CDC42BPA: variants seen among roughly 807,000 people sequenced by gnomAD.
The protein encoded by CDC42BPA is CDC42 binding protein kinase alpha, also known as serine/threonine-protein kinase MRCK alpha.
In CDC42BPA, 80 loss-of-function variants were observed where a neutral mutation model predicts 223.5. The observed-to-expected ratio is 0.36, with a 90% CI of 0.30 to 0.43. The LOEUF (loss-of-function observed/expected upper bound fraction) is 0.43. Among genes scored for constraint, CDC42BPA ranks in the 20% least tolerant of loss-of-function variants. CDC42BPA has a pLI of 1.00. For synonymous variants in CDC42BPA, 694 were observed against 718.6 expected, an observed-to-expected ratio of 0.97 and a Z score of 0.55; for missense variants, 1,743 against 2,099.9, an observed-to-expected ratio of 0.83 and a Z score of 3.32.
intron 21 of CDC42BPA, among the ~76,000 whole-genome samples, chr1:227,052,795 AATT>A (rs2148882282): frequency 1.3e-5 from 2 of 152,306 alleles, no homozygotes; most frequent in East Asian, 3.9e-4. Context: ...ATGAACTTAT[AATT>A]ATTTTCCTTT....
intron 1 of CDC42BPA, among the ~76,000 whole-genome samples, chr1:227,266,507 T>C (rs560875178): frequency 6.6e-6 from 1 of 152,326 alleles, no homozygotes; most frequent in South Asian, 2.1e-4. Flanking sequence ...TCGATCACTG[T>C]TAGTTGTATT....
rs1053999489 is a variant in CDC42BPA at position 227,317,696 on chromosome 1, C to T, written c.-514G>A. The T allele has an allele frequency of 2.5e-6, 1 of 398,354 alleles. No homozygotes were observed. The highest frequency in any genetic ancestry group is 4.4e-6 in the Non-Finnish European group (1 of 226,054). The allele number at this position is 398,354 out of a possible 1,614,324, so 24.7% of individuals were successfully genotyped here. ...AATGCATAGAAGGGGGAGGGAAAAC[C>T]AAAAATGTTGCTGCAAATCCTCCCA... On this transcript the variant is annotated 5_prime_UTR_variant, in exon 1 of 37. The change creates a premature stop within an existing upstream ORF in the 5' untranslated region. Coordinates refer to ENST00000366766, the MANE Select transcript of CDC42BPA (RefSeq NM_001394014.1).
In CDC42BPA at chr1:227,051,915, G is replaced by T. The variant is rs1327798614; in HGVS notation, c.2975C>A (p.Ser992Tyr). Residue 992 changes from serine (S) to tyrosine (Y), a missense_variant, in exon 22 of 37, where the codon TCT (serine) becomes TAT (tyrosine). Around this residue, in one of 6 missense-constraint regions of CDC42BPA, gnomAD observed 678 missense variants for 777.5 expected, o/e 0.87. Coordinates refer to ENST00000366766, the MANE Select transcript of CDC42BPA (RefSeq NM_001394014.1). ...CTCAGCTTCACTAGATGTGGAAGGA[G>T]ATGTGGACCGTGACTGGATGTGAAA... ...VKFHIQSRST[S>Y]PSTSSEAEPV... 1 of 1,366,464 alleles carries T rather than the reference G, an allele frequency of 7.3e-7. No homozygotes were observed. The highest frequency in any genetic ancestry group is 1.1e-5 in the South Asian group (1 of 88,048). 84.6% of individuals were successfully genotyped at this position (1,366,464 alleles called of 1,614,324 possible). A position where few individuals can be genotyped will look rare whatever the true frequency, so the allele number is the denominator to read the frequency against.
chr1:227,003,677 C>T (rs1663379651), intron 35 of CDC42BPA, among the ~76,000 whole-genome samples: 1 of 152,096 alleles, frequency 6.6e-6, no homozygotes, highest in African/African-American at 2.4e-5. Flanking sequence ...ACACACCTTT[C>T]CTCCCCCACC....
At chr1:227,105,356 C>CTTTTTTTTT (rs35065841) in intron 14 of CDC42BPA, among the ~76,000 whole-genome samples, 8 of 91,672 alleles carry the variant, frequency 8.7e-5, no homozygotes, top group African/African-American at 1.3e-4. Flanking sequence ...TGCCTATTCT[C>CTTTTTTTTT]TTTTTTTTTT....
intron 21 of CDC42BPA, chr1:227,059,268 A>G (rs1675272495): frequency 1.1e-6 from 1 of 905,414 alleles, no homozygotes; most frequent in African/African-American, 1.7e-5. Flanking sequence ...AATAGATGTA[A>G]TAATATACCA....
chr1:227,139,249 A>G (rs1385701240), intron 10 of CDC42BPA, among the ~76,000 whole-genome samples: 1 of 152,152 alleles, frequency 6.6e-6, no homozygotes, highest in Non-Finnish European at 1.5e-5. Context: ...GCTCTTAAAG[A>G]TTGAGCAAAT....
intron 2 of CDC42BPA, among the ~76,000 whole-genome samples, chr1:227,233,298 A>C (rs1572526779): frequency 6.6e-6 from 1 of 152,052 alleles, no homozygotes; most frequent in East Asian, 1.9e-4. Context: ...TGGCCTCCCA[A>C]AGTGCTAGGA....
Position 227,317,376 on chromosome 1 carries a change from C to T in CDC42BPA, c.-194G>A. On this transcript the variant is annotated 5_prime_UTR_variant, in exon 1 of 37. It adds an upstream start codon to the 5' untranslated region. Transcript: ENST00000366766. ...CTTAACTGAAGCGTCTTCAATTTCA[C>T]CCATATACATATATTTTGAGGGTAA... is the stretch of plus-strand genomic sequence containing the variant. 2 of 514,196 alleles carry T rather than the reference C, an allele frequency of 3.9e-6. No individual in the cohort carries two copies. Among genetic ancestry groups the T allele is most frequent in the East Asian group, 3.1e-5 (1 of 32,726 alleles). 31.9% of individuals were successfully genotyped at this position (514,196 alleles called of 1,614,324 possible). A position where few individuals can be genotyped will look rare whatever the true frequency, so the allele number is the denominator to read the frequency against.
At chr1:227,154,487 T>C (rs1662363956) in intron 6 of CDC42BPA, among the ~76,000 whole-genome samples, 1 of 151,958 alleles carries the variant, frequency 6.6e-6, no homozygotes, top group African/African-American at 2.4e-5. Context: ...GAAGAATCTA[T>C]AAACTATTTT....
chr1:227,311,030 TA>T (rs562760431), intron 1 of CDC42BPA, among the ~76,000 whole-genome samples: 38 of 152,234 alleles, frequency 2.5e-4, no homozygotes, highest in African/African-American at 8.9e-4. Context: ...GTGTCTGGGA[TA>T]ATCCATACTT....
At chr1:227,145,097 T>C (rs1248214131) in intron 8 of CDC42BPA, among the ~76,000 whole-genome samples, 2 of 152,250 alleles carry the variant, frequency 1.3e-5, no homozygotes, top group Admixed American at 6.5e-5. Context: ...TCTTCAATTG[T>C]TGTATCAGGC....
intron 31 of CDC42BPA, among the ~76,000 whole-genome samples, chr1:227,024,652 CAGTGGATG>C (rs551140928): frequency 9.1e-4 from 138 of 152,234 alleles, no homozygotes; most frequent in Non-Finnish European, 1.7e-3. Flanking sequence ...GAATGAGACT[CAGTGGATG>C]AGTAAAGAAA....
chr1:227,041,268 T>A (rs1283482749), intron 23 of CDC42BPA, among the ~76,000 whole-genome samples: 1 of 152,184 alleles, frequency 6.6e-6, no homozygotes, highest in Non-Finnish European at 1.5e-5. Context: ...CTGAGCACAG[T>A]ACCCAATTTT....
In CDC42BPA at chr1:227,147,556, G is replaced by C. The variant is rs770012571; in HGVS notation, c.697C>G (p.Gln233Glu). ...GGAGTTCCTACAGCCACTGAGGACT[G>C]AACCTGAAGAAATTTACATTTTTAT... The part of the protein sequence containing the change: ...CLKLMEDGTV[Q>E]SSVAVGTPDY... Residue 233 changes from glutamine to glutamate, a missense_variant, in exon 7 of 37, where the codon CAG (glutamine) becomes GAG (glutamate). Coordinates refer to ENST00000366766, the MANE Select transcript of CDC42BPA (RefSeq NM_001394014.1). 31 of 1,561,068 alleles carry C rather than the reference G, an allele frequency of 2.0e-5. No homozygotes were observed. The highest frequency in any genetic ancestry group is 2.7e-5 in the Non-Finnish European group (31 of 1,156,716).
intron 8 of CDC42BPA, among the ~76,000 whole-genome samples, chr1:227,144,165 C>A (rs920357672): frequency 6.6e-6 from 1 of 151,608 alleles, no homozygotes; most frequent in East Asian, 1.9e-4. Context: ...TATGTACCCA[C>A]AAAAATTAAA....
intron 2 of CDC42BPA, among the ~76,000 whole-genome samples, chr1:227,219,093 A>C (rs1007056297): frequency 1.3e-5 from 2 of 152,182 alleles, no homozygotes; most frequent in African/African-American, 4.8e-5. Flanking sequence ...ATGCAATATA[A>C]CTTCTTACTC....
At chr1:227,169,414 T>G (rs1053977370) in intron 5 of CDC42BPA, among the ~76,000 whole-genome samples, 3 of 152,318 alleles carry the variant, frequency 2.0e-5, no homozygotes, top group Admixed American at 2.0e-4. Context: ...TTTCTTTCTT[T>G]TTTTAATCAG....
At chr1:227,294,059 C>CA (rs1690173458) in intron 1 of CDC42BPA, among the ~76,000 whole-genome samples, 1 of 151,896 alleles carries the variant, frequency 6.6e-6, no homozygotes, top group South Asian at 2.1e-4. Flanking sequence ...ATCACAAGGT[C>CA]AGAAGATCAA....
Sources: gnomAD v4.1 joint callset for allele counts (sites outside exome capture counted in the v4.1 genomes callset) on GRCh38, gnomAD v4.1.1 for gene constraint, gnomAD v4.1.1 regional missense constraint, MANE v1.5 for transcripts, NCBI Gene and HGNC (gene_info 2026-07-23, HGNC 2026-07-21) for gene names.